GSE1: variants seen among roughly 807,000 people sequenced by gnomAD.
GSE1 encodes the protein genetic suppressor element 1.
Under a neutral mutation model 112.6 loss-of-function variants are expected in GSE1, and 32 were observed. That is an observed-to-expected ratio of 0.28 (90% CI 0.21 to 0.38). The LOEUF (loss-of-function observed/expected upper bound fraction) is 0.38. Among genes scored for constraint, GSE1 ranks in the 10% least tolerant of loss-of-function variants. The probability of loss-of-function intolerance (pLI) is 1.00; values close to 1 mark genes in which losing one functional copy is unlikely to be tolerated. For synonymous variants in GSE1, 1,115 were observed against 735.6 expected, an observed-to-expected ratio of 1.52 and a Z score of -8.35; for missense variants, 2,348 against 1,699.2, an observed-to-expected ratio of 1.38 and a Z score of -6.71.
chr16:85,523,616 A>G (rs1364774024), intron 2 of GSE1, among the ~76,000 whole-genome samples: 1 of 152,154 alleles, frequency 6.6e-6, no homozygotes, highest in African/African-American at 2.4e-5. Flanking sequence ...GCTGGAGCTG[A>G]TGCAGTTCCA....
intron 2 of GSE1, among the ~76,000 whole-genome samples, chr16:85,543,804 G>A: frequency 6.6e-6 from 1 of 151,956 alleles, no homozygotes; most frequent in East Asian, 1.9e-4. Context: ...TACGGAGGCA[G>A]TTTTGCTCCT....
intron 2 of GSE1, among the ~76,000 whole-genome samples, chr16:85,413,179 G>A (rs186239943): frequency 0.011 from 1,601 of 152,308 alleles, 21 homozygotes; most frequent in Non-Finnish European, 0.014. Context: ...TGGAAGTGCC[G>A]CTCCCATCCG....
At chr16:85,509,503 C>T (rs1360717234) in intron 2 of GSE1, among the ~76,000 whole-genome samples, 2 of 152,242 alleles carry the variant, frequency 1.3e-5, no homozygotes, top group Non-Finnish European at 2.9e-5. Context: ...TCCTTGGTCA[C>T]CCACCTGGAG....
upstream of GSE1, chr16:85,555,044 C>T: frequency 6.1e-6 from 6 of 985,366 alleles, no homozygotes; most frequent in Non-Finnish European, 6.0e-6. Context: ...GCAAGTGAAA[C>T]TATTATTATC....
chr16:85,245,740 G>C (rs1905575217), intron 1 of GSE1, among the ~76,000 whole-genome samples: 1 of 152,128 alleles, frequency 6.6e-6, no homozygotes, highest in African/African-American at 2.4e-5. Context: ...TGATTAGAGG[G>C]GGACGGCAAG....
chr16:85,255,127 G>A (rs1277445402), intron 1 of GSE1, among the ~76,000 whole-genome samples: 2 of 152,212 alleles, frequency 1.3e-5, no homozygotes, highest in African/African-American at 4.8e-5. Context: ...CCGGCTCCCC[G>A]AGGGGCGGGC....
intron 1 of GSE1, among the ~76,000 whole-genome samples, chr16:85,328,943 G>C (rs912971134): frequency 6.6e-6 from 1 of 152,224 alleles, no homozygotes; most frequent in Non-Finnish European, 1.5e-5. Flanking sequence ...GGGCCTGCAG[G>C]GTGGCTGATG....
intron 8 of GSE1, chr16:85,659,411 C>G (rs2052245447): frequency 6.6e-6 from 1 of 152,336 alleles, no homozygotes; most frequent in Non-Finnish European, 1.5e-5. Flanking sequence ...GTAGGCCCAA[C>G]TACTCTGGAG....
rs2074610646 is a variant in GSE1, at chr16:85,182,532, T to A, written c.2283+10725T>A. On this transcript the variant is annotated intron_variant, in intron 1 of 2. Transcript: ENST00000637419. ...CGTTTTCTTCCTGATTCGTAAGTGTTTGGGGTCAGTGCAGGGTCTGGTTTT... is the reference window on the plus strand; with the variant it reads ...CGTTTTCTTCCTGATTCGTAAGTGTATGGGGTCAGTGCAGGGTCTGGTTTT... Among the ~76,000 whole-genome samples, 4 of 152,256 alleles carry A rather than the reference T, an allele frequency of 2.6e-5. No homozygotes were observed. In the South Asian group the frequency reaches 8.3e-4, roughly 32 times the overall value.
rs934024995 is a variant in GSE1 at position 85,170,073 on chromosome 16, C to A, written c.549C>A (p.Ser183=). 95 of 984,980 alleles carry A rather than the reference C, an allele frequency of 9.6e-5. No individual in the cohort carries two copies. In the African/African-American group the frequency reaches 1.5e-3, roughly 15 times the overall value. 61.0% of individuals were successfully genotyped at this position (984,980 alleles called of 1,614,324 possible). A position where few individuals can be genotyped will look rare whatever the true frequency, so the allele number is the denominator to read the frequency against. ...AGCTGTCGGACACCGACCCCCTTTC[C>A]GAGCCCGACCCGCCCGCGCGGGACG... The change falls in exon 1 of 3, where the codon TCC becomes TCA. Residue 183 remains serine (S), a synonymous_variant. Transcript: ENST00000637419.
At chr16:85,282,639 A>G (rs1279297817) in intron 1 of GSE1, among the ~76,000 whole-genome samples, 3 of 152,140 alleles carry the variant, frequency 2.0e-5, no homozygotes, top group African/African-American at 7.2e-5. Context: ...AGCTGGGGAC[A>G]CTCAGAGGCT....
intron 2 of GSE1, among the ~76,000 whole-genome samples, chr16:85,466,858 G>A (rs556551901): frequency 5.3e-5 from 8 of 152,248 alleles, no homozygotes; most frequent in East Asian, 3.9e-4. Flanking sequence ...TGAGGAGTTC[G>A]AGACCAGCCT....
At chr16:85,358,038 G>T (rs923910839) in intron 2 of GSE1, among the ~76,000 whole-genome samples, 8 of 152,176 alleles carry the variant, frequency 5.3e-5, no homozygotes, top group African/African-American at 1.9e-4. Flanking sequence ...AGGTGCACGT[G>T]TGCGCTTCTC....
At chr16:85,294,889 C>G (rs958658083) in intron 1 of GSE1, among the ~76,000 whole-genome samples, 2 of 151,422 alleles carry the variant, frequency 1.3e-5, no homozygotes, top group Non-Finnish European at 2.9e-5. Context: ...TTTGTACGTT[C>G]ACAGTATTTT....
chr16:85,476,326 T>C (rs2050454287), intron 2 of GSE1, among the ~76,000 whole-genome samples: 1 of 152,200 alleles, frequency 6.6e-6, no homozygotes, highest in Non-Finnish European at 1.5e-5. Context: ...CTGTGGCAAC[T>C]TGCAGGCACC....
At chr16:85,545,471 C>A (rs2151218793) in intron 2 of GSE1, among the ~76,000 whole-genome samples, 1 of 152,220 alleles carries the variant, frequency 6.6e-6, no homozygotes, top group Non-Finnish European at 1.5e-5. Flanking sequence ...AGCGTCTTTG[C>A]CAGCTCCTAC....
chr16:85,515,281 G>A (rs2151940020), intron 2 of GSE1, among the ~76,000 whole-genome samples: 1 of 152,304 alleles, frequency 6.6e-6, no homozygotes, highest in Admixed American at 6.5e-5. Context: ...CAGCCCGGAG[G>A]CAGTGCCCGG....
rs1481255378 is a variant in GSE1 at position 85,588,875 on chromosome 16, T to TG, written c.37+32518dup. On this transcript the variant is annotated intron_variant, in intron 1 of 2. Coordinates refer to the GSE1 transcript ENST00000635906. ...CCCTCGGCCTCTGTACCTACTGCCC[T>TG]GGGGGGCAGCTGTGCGCACAGCTCT... 2.6e-5 allele frequency among the ~76,000 whole-genome samples: 4 copies of TG among 152,188 alleles called. No individual in the cohort carries two copies. In the South Asian group the frequency reaches 6.2e-4, roughly 24 times the overall value.
intron 1 of GSE1, among the ~76,000 whole-genome samples, chr16:85,620,696 T>A (rs1476519378): frequency 6.6e-6 from 1 of 152,268 alleles, no homozygotes; most frequent in Non-Finnish European, 1.5e-5. Context: ...CAGCCCTGCA[T>A]CTCTGAGCTG....
Sources: gnomAD v4.1 joint callset for allele counts (sites outside exome capture counted in the v4.1 genomes callset) on GRCh38, gnomAD v4.1.1 for gene constraint, MANE v1.5 for transcripts, NCBI Gene and HGNC (gene_info 2026-07-23, HGNC 2026-07-21) for gene names.